SNX31: variants seen among roughly 807,000 people sequenced by gnomAD.
SNX31 encodes the protein sorting nexin 31, also known as sorting nexin-31.
A neutral mutation model predicts 65.4 loss-of-function variants in SNX31; 58 were observed. The ratio of observed to expected loss-of-function variants is 0.89; its 90% CI spans 0.72 to 1.10. The LOEUF (loss-of-function observed/expected upper bound fraction) is 1.10, where lower values mean the gene tolerates loss of function less well. Among genes scored for constraint, SNX31 ranks in the 50% least tolerant of loss-of-function variants. SNX31 has a pLI of 0.00. For missense variants in SNX31, 523 were observed against 529.7 expected (o/e 0.99, Z 0.12); for synonymous variants, 181 against 190.1 (o/e 0.95, Z 0.39).
chr8:100,645,049 C>T (rs1027424839), intron 2 of SNX31, among the ~76,000 whole-genome samples: 1 of 152,242 alleles, frequency 6.6e-6, no homozygotes, highest in African/African-American at 2.4e-5. Flanking sequence ...CAGGTACTGC[C>T]CCTCAATCTC....
chr8:100,601,247 C>G (rs915490176), intron 8 of SNX31, among the ~76,000 whole-genome samples: 2 of 152,064 alleles, frequency 1.3e-5, no homozygotes, highest in South Asian at 4.1e-4. Context: ...TATGAAATGC[C>G]CCAAAATGGG....
intron 2 of SNX31, among the ~76,000 whole-genome samples, chr8:100,638,266 C>T (rs1422155653): frequency 6.6e-6 from 1 of 152,190 alleles, no homozygotes. Flanking sequence ...TAGAACTGTG[C>T]CATCTAATAT....
At chr8:100,635,384 C>T (rs2131213461) in intron 3 of SNX31, among the ~76,000 whole-genome samples, 1 of 151,878 alleles carries the variant, frequency 6.6e-6, no homozygotes, top group East Asian at 1.9e-4. Context: ...GGATTATAGG[C>T]ATGCACCATC....
Position 100,612,307 on chromosome 8 carries a change from T to C in SNX31, c.524-220A>G, listed in dbSNP as rs1182053328. On this transcript the variant is annotated intron_variant, in intron 6 of 13. Coordinates refer to ENST00000311812, the MANE Select transcript of SNX31 (RefSeq NM_152628.4). This position sits in a 1 kb window ranked among gnomAD's most constrained non-coding sequence, Gnocchi z 4.3. ...AAACAGCCCCTTGAGTGGGGGGTGTTTTACACTGTGATATAGATGAAAAAA... is the reference window on the plus strand; with the variant it reads ...AAACAGCCCCTTGAGTGGGGGGTGTCTTACACTGTGATATAGATGAAAAAA... 1.3e-5 allele frequency among the ~76,000 whole-genome samples: 2 copies of C among 151,890 alleles called. No homozygotes were observed. The highest frequency in any genetic ancestry group is 2.9e-5 in the Non-Finnish European group (2 of 67,958).
intron 4 of SNX31, chr8:100,619,191 A>C (rs1158581454): frequency 1.3e-5 from 2 of 152,232 alleles, no homozygotes; most frequent in African/African-American, 2.4e-5. Context: ...GGCAGTCCTA[A>C]CGCTAAGGAA....
chr8:100,657,640 T>C (rs1167440976), intron 1 of SNX31: 3 of 455,588 alleles, frequency 6.6e-6, no homozygotes, highest in Admixed American at 2.4e-5. Flanking sequence ...GCTGGAGGGC[T>C]TGGGAGCCAG....
intron 2 of SNX31, among the ~76,000 whole-genome samples, chr8:100,642,913 G>A (rs988821256): frequency 2.6e-5 from 4 of 152,118 alleles, no homozygotes; most frequent in East Asian, 1.9e-4. Context: ...AGAACAGGGC[G>A]GGCGTGATGG....
rs35113558 is a variant in SNX31 at position 100,613,812 on chromosome 8, C to T, written c.433-727G>A. On this transcript the variant is annotated intron_variant, in intron 5 of 13. Coordinates refer to ENST00000311812, the MANE Select transcript of SNX31 (RefSeq NM_152628.4). The surrounding 1 kb of genome is among the most constrained non-coding windows in gnomAD (Gnocchi z 5.2). ...CGCTCCCTTAGCAGAAAATTCTACA[C>T]GACCACAGGCTTCCTCCCTGCCATC... 1.4e-4 allele frequency among the ~76,000 whole-genome samples: 22 copies of T among 152,258 alleles called. No homozygotes were observed. Among genetic ancestry groups the T allele is most frequent in the African/African-American group, 4.3e-4 (18 of 41,542 alleles).
intron 2 of SNX31, among the ~76,000 whole-genome samples, chr8:100,642,009 G>A (rs1819287795): frequency 6.6e-6 from 1 of 152,022 alleles, no homozygotes; most frequent in African/African-American, 2.4e-5. Flanking sequence ...AACCCGGGAG[G>A]CGGAGCTTGC....
chr8:100,651,704 T>C (rs768524985), upstream of SNX31, among the ~76,000 whole-genome samples: 2 of 152,220 alleles, frequency 1.3e-5, no homozygotes, highest in Non-Finnish European at 2.9e-5. Context: ...GTAGCAGCGA[T>C]TGGAGGCGCT....
upstream of SNX31, among the ~76,000 whole-genome samples, chr8:100,650,100 T>C (rs1819917402): frequency 6.6e-6 from 1 of 152,204 alleles, no homozygotes; most frequent in African/African-American, 2.4e-5. Flanking sequence ...TTTCTCTTGA[T>C]CCCTGAGAAG....
intron 2 of SNX31, among the ~76,000 whole-genome samples, chr8:100,641,942 G>T (rs1819276433): frequency 6.6e-6 from 1 of 151,716 alleles, no homozygotes; most frequent in Admixed American, 6.6e-5. Context: ...AGCCGGGCTT[G>T]GTGGCAGGTG....
At chr8:100,640,803 A>AG (rs1379669164) in intron 2 of SNX31, among the ~76,000 whole-genome samples, 1 of 152,214 alleles carries the variant, frequency 6.6e-6, no homozygotes, top group Admixed American at 6.5e-5. Flanking sequence ...ATTAAACATA[A>AG]GGAAAATCTA....
At chr8:100,608,700 C>T (rs1816419650) in intron 7 of SNX31, 137 bp from the exon 8 acceptor site, 8 of 706,342 alleles carry the variant, frequency 1.1e-5, no homozygotes, top group Non-Finnish European at 2.5e-6. Flanking sequence ...CTCCACTTGC[C>T]CAGCTTTCAC....
intron 12 of SNX31, among the ~76,000 whole-genome samples, chr8:100,581,330 T>TAC (rs1415915293): frequency 1.2e-5 from 1 of 81,386 alleles, no homozygotes; most frequent in Non-Finnish European, 2.4e-5. Context: ...TATATCTATC[T>TAC]ATCTATCTAT....
At chr8:100,581,372 T>C (rs1342210892) in intron 12 of SNX31, among the ~76,000 whole-genome samples, 2 of 148,612 alleles carry the variant, frequency 1.3e-5, no homozygotes, top group Non-Finnish European at 1.5e-5. Flanking sequence ...AAGAACTTAA[T>C]ATATTTTTGT....
At position 100,596,850 on chromosome 8, in the gene SNX31, A is replaced by G; in HGVS notation, c.775-8T>C. ...CCGGGCCAGCTCCAAAAACTGCTCC[A>G]AAGAGGGTGATGTGGGGGGAGGGGA... On this transcript the variant is annotated splice_polypyrimidine_tract_variant and splice_region_variant and intron_variant, in intron 9 of 13. Transcript: ENST00000311812. 1.2e-6 allele frequency: 2 copies of G among 1,613,228 alleles called. No individual in the cohort carries two copies. Among genetic ancestry groups the G allele is most frequent in the Non-Finnish European group, 1.7e-6 (2 of 1,179,934 alleles).
intron 8 of SNX31, among the ~76,000 whole-genome samples, chr8:100,606,900 G>A (rs1463110683): frequency 2.6e-5 from 4 of 152,174 alleles, no homozygotes; most frequent in Admixed American, 1.3e-4. Context: ...TAATTAATAC[G>A]ATGCCAGGCC....
Position 100,604,800 on chromosome 8 carries a change from A to G in SNX31, c.681+3694T>C, listed in dbSNP as rs1269474199. Among the ~76,000 whole-genome samples, 2 of 152,232 alleles carry G rather than the reference A, an allele frequency of 1.3e-5. No individual in the cohort carries two copies. Among genetic ancestry groups the G allele is most frequent in the Non-Finnish European group, 2.9e-5 (2 of 68,034 alleles). On this transcript the variant is annotated intron_variant, in intron 8 of 13. Coordinates refer to ENST00000311812, the MANE Select transcript of SNX31 (RefSeq NM_152628.4). This position sits in a 1 kb window ranked among gnomAD's most constrained non-coding sequence, Gnocchi z 4.3. ...TGGGCACATCTGCTTTAGAAAATCAAAGCTGTGCCCCTTAATAGTTAATTA... is the reference window on the plus strand; with the variant it reads ...TGGGCACATCTGCTTTAGAAAATCAGAGCTGTGCCCCTTAATAGTTAATTA...
Sources: allele counts gnomAD v4.1 joint callset (sites outside exome capture counted in the v4.1 genomes callset), GRCh38; gene constraint gnomAD v4.1.1; non-coding constraint Gnocchi (gnomAD v3.1); transcripts MANE v1.5; gene names NCBI Gene and HGNC (gene_info 2026-07-23, HGNC 2026-07-21).